Variants in ANAPC10 observed in about 807,000 individuals in gnomAD.
ANAPC10 encodes anaphase-promoting complex subunit 10.
In ANAPC10, 12 loss-of-function variants were observed where a neutral mutation model predicts 22.0. The ratio of observed to expected loss-of-function variants is 0.55; its 90% CI spans 0.35 to 0.88. The LOEUF (loss-of-function observed/expected upper bound fraction) is 0.88. ANAPC10 is among the 40% of genes least tolerant of loss of function. The pLI, the probability that ANAPC10 is intolerant of heterozygous loss-of-function variation, is 0.01. For synonymous variants in ANAPC10, 65 were observed against 69.5 expected (o/e 0.94, Z 0.32); for missense variants, 188 against 220.9 (o/e 0.85, Z 0.94).
Position 145,080,792 on chromosome 4 carries a change from A to G in ANAPC10, c.206+868T>C, listed in dbSNP as rs759997473. Among the ~76,000 whole-genome samples the G allele has an allele frequency of 2.7e-4, 41 of 151,722 alleles. 1 individual carries two copies. Among genetic ancestry groups the G allele is most frequent in the Non-Finnish European group, 4.7e-4 (32 of 67,938 alleles). ...CGTGGTGGCGCATGCCTGTAATCCC[A>G]GTTACTCGGAAGGCTGAGGCAGGAG... On this transcript the variant is annotated intron_variant, in intron 3 of 4. Coordinates refer to ENST00000507656, the MANE Select transcript of ANAPC10 (RefSeq NM_001256706.2).
At chr4:145,065,770 G>T (rs1045349025) in intron 3 of ANAPC10, among the ~76,000 whole-genome samples, 3 of 151,782 alleles carry the variant, frequency 2.0e-5, no homozygotes, top group Non-Finnish European at 4.4e-5. Context: ...ATATACAGAA[G>T]AATCACATTT....
intron 4 of ANAPC10, among the ~76,000 whole-genome samples, chr4:145,005,286 A>T (rs1318449463): frequency 2.0e-5 from 3 of 152,004 alleles, no homozygotes; most frequent in Non-Finnish European, 4.4e-5. Flanking sequence ...TCTCTCAGGG[A>T]TTTTGGATTT....
At position 144,994,817 on chromosome 4, in the gene ANAPC10, T is replaced by C. The variant is rs1455854738; in HGVS notation, c.*556A>G. ...TTCCGTGAAGGTGAATATGAGACAA[T>C]TAATTATACTCCCCATATTAGATTG... On this transcript the variant is annotated 3_prime_UTR_variant, in exon 5 of 5. Coordinates refer to ENST00000507656, the MANE Select transcript of ANAPC10 (RefSeq NM_001256706.2). 6.6e-6 allele frequency: 1 copy of C among 152,208 alleles called. No homozygotes were observed. Among genetic ancestry groups the C allele is most frequent in the African/African-American group, 2.4e-5 (1 of 41,448 alleles). The allele number at this position is 152,208 out of a possible 1,614,324, so 9.4% of individuals were successfully genotyped here.
Position 144,995,303 on chromosome 4 carries a change from G to A in ANAPC10, c.*70C>T, listed in dbSNP as rs1263913137. Reference sequence around the variant, plus strand: ...ATAACGGATGCCTTGTTCAATAAAGGTACATGATATATTATTTAAATACAG... The same window carrying A: ...ATAACGGATGCCTTGTTCAATAAAGATACATGATATATTATTTAAATACAG... On this transcript the variant is annotated 3_prime_UTR_variant, in exon 5 of 5. Transcript: ENST00000507656. 2 of 967,700 alleles carry A rather than the reference G, an allele frequency of 2.1e-6. No individual in the cohort carries two copies. Among genetic ancestry groups the A allele is most frequent in the Admixed American group, 2.3e-5 (1 of 43,584 alleles). 59.9% of individuals were successfully genotyped at this position (967,700 alleles called of 1,614,324 possible).
chr4:145,014,273 C>G (rs1734777285), intron 4 of ANAPC10, among the ~76,000 whole-genome samples: 1 of 152,060 alleles, frequency 6.6e-6, no homozygotes, highest in African/African-American at 2.4e-5. Flanking sequence ...GAGACCGGCC[C>G]TTTGGATTGT....
At chr4:145,064,497 T>C in intron 4 of ANAPC10, 75 bp downstream of exon 4, 1 of 1,220,284 alleles carries the variant, frequency 8.2e-7, no homozygotes, top group Non-Finnish European at 1.1e-6. Context: ...CTGTCTAATG[T>C]AATGTCAACT....
rs34881351 is a variant in ANAPC10, at chr4:145,080,188, G to T, written c.206+1472C>A. Among the ~76,000 whole-genome samples the T allele has an allele frequency of 4.4e-3, 664 of 151,074 alleles. 2 individuals carry two copies. The highest frequency in any genetic ancestry group is 7.5e-3 in the Non-Finnish European group (507 of 67,838). On this transcript the variant is annotated intron_variant, in intron 3 of 4. Coordinates refer to ENST00000507656, the MANE Select transcript of ANAPC10 (RefSeq NM_001256706.2). ...AAAATAGGGAACAATAGACATGGGT[G>T]CCTACTTGAGGTGAAGGAAAGGAAG...
At position 145,080,326 on chromosome 4, in the gene ANAPC10, T is replaced by C. The variant is rs139530818; in HGVS notation, c.206+1334A>G. Among the ~76,000 whole-genome samples the C allele has an allele frequency of 4.7e-3, 720 of 152,168 alleles. 10 individuals are homozygous for C. The highest frequency in any genetic ancestry group is 0.016 in the African/African-American group (657 of 41,504). On this transcript the variant is annotated intron_variant, in intron 3 of 4. Transcript: ENST00000507656. ...CTTACCCATATAACAAACCTGCACA[T>C]GTACTCCCTTAAACTAAAATAAAAG...
At chr4:145,038,487 TG>T (rs1738961310) in intron 4 of ANAPC10, among the ~76,000 whole-genome samples, 1 of 152,004 alleles carries the variant, frequency 6.6e-6, no homozygotes, top group African/African-American at 2.4e-5. Flanking sequence ...CACTCCACCC[TG>T]GATGACAGAG....
At chr4:145,068,738 C>T (rs958097086) in intron 3 of ANAPC10, among the ~76,000 whole-genome samples, 3 of 152,098 alleles carry the variant, frequency 2.0e-5, no homozygotes, top group African/African-American at 7.2e-5. Flanking sequence ...GGTGAAATCC[C>T]GTCTCCACTA....
At chr4:145,052,615 G>A (rs909721097) in intron 4 of ANAPC10, among the ~76,000 whole-genome samples, 15 of 151,660 alleles carry the variant, frequency 9.9e-5, no homozygotes, top group Non-Finnish European at 1.9e-4. Context: ...AAAAAATATC[G>A]GGGGCTGGGT....
chr4:145,081,899 A>C, intron 2 of ANAPC10, 149 bp from the exon 3 acceptor site: 5 of 652,730 alleles, frequency 7.7e-6, no homozygotes, highest in Non-Finnish European at 1.3e-5. Context: ...TTTTGTAGAC[A>C]GGGTCTTGCT....
intron 3 of ANAPC10, among the ~76,000 whole-genome samples, chr4:145,067,708 G>A (rs1037308461): frequency 6.6e-6 from 1 of 152,176 alleles, no homozygotes; most frequent in African/African-American, 2.4e-5. Flanking sequence ...AGCATCTGCT[G>A]AATAATTTCT....
intron 3 of ANAPC10, among the ~76,000 whole-genome samples, chr4:145,068,271 T>A (rs181158424): frequency 6.6e-6 from 1 of 152,298 alleles, no homozygotes; most frequent in East Asian, 1.9e-4. Flanking sequence ...ATGCAGAAAC[T>A]GAGGTTCACA....
intron 4 of ANAPC10, 189 bp downstream of exon 4, chr4:145,064,383 T>C (rs1560898864): frequency 2.5e-6 from 1 of 399,578 alleles, no homozygotes; most frequent in Non-Finnish European, 4.3e-6. Context: ...AATAATAAAA[T>C]ATTGTGGAAA....
chr4:145,062,965 T>C (rs1174007843), intron 4 of ANAPC10, among the ~76,000 whole-genome samples: 1 of 152,050 alleles, frequency 6.6e-6, no homozygotes, highest in Non-Finnish European at 1.5e-5. Flanking sequence ...TATTAAAAAG[T>C]TGAACTCAGA....
chr4:145,008,951 G>C (rs1733857042), intron 4 of ANAPC10, among the ~76,000 whole-genome samples: 1 of 152,088 alleles, frequency 6.6e-6, no homozygotes, highest in Non-Finnish European at 1.5e-5. Flanking sequence ...CACTGTCTCA[G>C]CCCAAAATCT....
chr4:145,021,830 A>C (rs1419298425), intron 4 of ANAPC10, among the ~76,000 whole-genome samples: 1 of 152,196 alleles, frequency 6.6e-6, no homozygotes, highest in African/African-American at 2.4e-5. Flanking sequence ...GCCAAAAAAA[A>C]TTAATCCCAT....
intron 4 of ANAPC10, 115 bp from the exon 5 acceptor site, chr4:144,995,718 G>A (rs1393719964): frequency 8.2e-6 from 6 of 728,270 alleles, no homozygotes; most frequent in South Asian, 2.0e-5. Flanking sequence ...ACGAAAGAAT[G>A]ACAATATGAT....
Sources: gnomAD v4.1 joint callset for allele counts (sites outside exome capture counted in the v4.1 genomes callset) on GRCh38, gnomAD v4.1.1 for gene constraint, MANE v1.5 for transcripts, NCBI Gene and HGNC (gene_info 2026-07-23, HGNC 2026-07-21) for gene names.